Variants in GPBP1 observed in about 807,000 individuals in gnomAD.
GPBP1 encodes GC-rich promoter binding protein 1, also known as vasculin.
A neutral mutation model predicts 56.5 loss-of-function variants in GPBP1; 13 were observed. That is an observed-to-expected ratio of 0.23 (90% CI 0.15 to 0.37). GPBP1 has a LOEUF of 0.37. GPBP1 is among the 10% of genes least tolerant of loss of function. The pLI is 1.00. For missense variants in GPBP1, 477 were observed against 572.3 expected, an observed-to-expected ratio of 0.83 and a Z score of 1.70; for synonymous variants, 204 against 188.9, an observed-to-expected ratio of 1.08 and a Z score of -0.66.
intron 1 of GPBP1, among the ~76,000 whole-genome samples, chr5:57,174,853 CCTT>C (rs1348135518): frequency 7.2e-5 from 11 of 152,202 alleles, no homozygotes; most frequent in African/African-American, 2.7e-4. Context: ...GAAACCTACA[CCTT>C]CTAGCCCTTT....
chr5:57,194,310 G>A (rs766342463), intron 2 of GPBP1, among the ~76,000 whole-genome samples: 32 of 152,134 alleles, frequency 2.1e-4, no homozygotes, highest in Non-Finnish European at 3.8e-4. Context: ...CTCCATAGAG[G>A]TGTACCAATG....
intron 2 of GPBP1, among the ~76,000 whole-genome samples, chr5:57,189,325 G>A (rs1754421691): frequency 6.6e-6 from 1 of 152,168 alleles, no homozygotes. Context: ...TGTCATGTTG[G>A]CCAGGCTGGT....
intron 2 of GPBP1, among the ~76,000 whole-genome samples, chr5:57,184,217 T>G: frequency 6.6e-6 from 1 of 152,016 alleles, no homozygotes; most frequent in African/African-American, 2.4e-5. Flanking sequence ...GGGTGACAGA[T>G]TGAGACACTG....
At chr5:57,238,324 T>C (rs1039417184) in intron 6 of GPBP1, among the ~76,000 whole-genome samples, 6 of 152,174 alleles carry the variant, frequency 3.9e-5, no homozygotes, top group East Asian at 1.9e-4. Context: ...CCCAGCACTT[T>C]GGGAGGCCAG....
chr5:57,219,526 C>A (rs1375945059), intron 3 of GPBP1, among the ~76,000 whole-genome samples: 1 of 151,430 alleles, frequency 6.6e-6, no homozygotes, highest in Admixed American at 6.6e-5. Context: ...GATTAAGCCA[C>A]TGAAATCAAT....
chr5:57,235,213 AG>A (rs1167712527), intron 5 of GPBP1, among the ~76,000 whole-genome samples: 1 of 152,048 alleles, frequency 6.6e-6, no homozygotes. Context: ...AGGCTGAGAC[AG>A]GAGAATCACC....
intron 3 of GPBP1, among the ~76,000 whole-genome samples, chr5:57,230,140 T>TC (rs1449972726): frequency 6.6e-6 from 1 of 152,024 alleles, no homozygotes; most frequent in Admixed American, 6.6e-5. Context: ...TCCATGTTGG[T>TC]CAGCTGGTCT....
intron 2 of GPBP1, among the ~76,000 whole-genome samples, chr5:57,208,359 A>G (rs1755326203): frequency 6.6e-6 from 1 of 151,872 alleles, no homozygotes; most frequent in Admixed American, 6.6e-5. Flanking sequence ...TCAGTGTCCC[A>G]AGTAGCTGGG....
chr5:57,204,270 T>G (rs1755139543), intron 2 of GPBP1, among the ~76,000 whole-genome samples: 1 of 152,110 alleles, frequency 6.6e-6, no homozygotes, highest in South Asian at 2.1e-4. Flanking sequence ...TGTTTTTTTT[T>G]GGTCAGTCTG....
At chr5:57,245,102 G>C (rs1399029520) in intron 6 of GPBP1, among the ~76,000 whole-genome samples, 1 of 152,068 alleles carries the variant, frequency 6.6e-6, no homozygotes, top group Non-Finnish European at 1.5e-5. Context: ...GCTATACTTT[G>C]GTAGTAATAC....
chr5:57,221,330 C>T (rs897494671), intron 3 of GPBP1: 1 of 1,330,616 alleles, frequency 7.5e-7, no homozygotes, highest in African/African-American at 1.5e-5. Context: ...TTTTTAAATT[C>T]CATTAAATAA....
chr5:57,221,439 T>C, intron 3 of GPBP1: 1 of 1,221,526 alleles, frequency 8.2e-7, no homozygotes, highest in Non-Finnish European at 1.2e-6. Flanking sequence ...TTGAAAAATT[T>C]AGATAACTAG....
intron 10 of GPBP1, 53 bp from the exon 11 acceptor site, chr5:57,261,127 C>T (rs1336021084): frequency 4.7e-6 from 5 of 1,071,178 alleles, no homozygotes; most frequent in Non-Finnish European, 7.2e-6. Context: ...GTAAATGATA[C>T]TGTCCTACTC....
Position 57,174,094 on chromosome 5 carries a change from A to T in GPBP1, c.-1128A>T, listed in dbSNP as rs1753685952. 6.5e-6 allele frequency: 1 copy of T among 152,836 alleles called. No individual in the cohort carries two copies. 9.5% of individuals were successfully genotyped at this position (152,836 alleles called of 1,614,324 possible). A position where few individuals can be genotyped will look rare whatever the true frequency, so the allele number is the denominator to read the frequency against. ...GGGTCGGCGCCATTTTGGGACTGAGACTGGTTGTGGGGGAGGGAAAAGCGG... is the reference window on the plus strand; with the variant it reads ...GGGTCGGCGCCATTTTGGGACTGAGTCTGGTTGTGGGGGAGGGAAAAGCGG... On this transcript the variant is annotated 5_prime_UTR_variant, in exon 1 of 12. Transcript: ENST00000506184.
chr5:57,240,939 C>A (rs1282638264), intron 6 of GPBP1, among the ~76,000 whole-genome samples: 1 of 149,296 alleles, frequency 6.7e-6, no homozygotes. Context: ...GCAACAAGAG[C>A]GAAACTCTGT....
At chr5:57,229,476 A>G (rs1039623801) in intron 3 of GPBP1, among the ~76,000 whole-genome samples, 3 of 148,422 alleles carry the variant, frequency 2.0e-5, no homozygotes, top group African/African-American at 7.4e-5. Flanking sequence ...ATAGAGCTCT[A>G]TTTTCCTTTC....
At chr5:57,191,613 G>T (rs1459922475) in intron 2 of GPBP1, among the ~76,000 whole-genome samples, 1 of 150,874 alleles carries the variant, frequency 6.6e-6, no homozygotes, top group African/African-American at 2.5e-5. Context: ...CCAGGCTGGA[G>T]TGCAGTGGTG....
chr5:57,240,381 A>G (rs1159022593), intron 6 of GPBP1, among the ~76,000 whole-genome samples: 2 of 152,140 alleles, frequency 1.3e-5, no homozygotes, highest in African/African-American at 2.4e-5. Context: ...ACTGGCATCA[A>G]TGTGATGATG....
At chr5:57,261,731 C>T (rs1424249611) in intron 11 of GPBP1, among the ~76,000 whole-genome samples, 1 of 152,060 alleles carries the variant, frequency 6.6e-6, no homozygotes, top group Non-Finnish European at 1.5e-5. Context: ...TTAGTAGCTT[C>T]CTAAGTAACT....
Sources: allele counts gnomAD v4.1 joint callset (sites outside exome capture counted in the v4.1 genomes callset), GRCh38; gene constraint gnomAD v4.1.1; transcripts MANE v1.5; gene names NCBI Gene and HGNC (gene_info 2026-07-23, HGNC 2026-07-21).